Variants in OLFM3 observed in about 807,000 individuals in gnomAD.
OLFM3 encodes the protein noelin-3.
In OLFM3, 20 loss-of-function variants were observed where a neutral mutation model predicts 48.6. The observed-to-expected ratio is 0.41, with a 90% confidence interval of 0.29 to 0.60. The LOEUF (loss-of-function observed/expected upper bound fraction) is 0.60, where lower values mean the gene tolerates loss of function less well. Ranked by LOEUF, OLFM3 falls within the 20% of genes least tolerant of loss-of-function variation. The pLI is 0.28. For missense variants in OLFM3, 437 were observed against 544.3 expected, an observed-to-expected ratio of 0.80 and a Z score of 1.96; for synonymous variants, 222 against 198.1, an observed-to-expected ratio of 1.12 and a Z score of -1.01.
intron 1 of OLFM3, among the ~76,000 whole-genome samples, chr1:101,873,662 G>A (rs1215386050): frequency 6.6e-6 from 1 of 151,458 alleles, no homozygotes; most frequent in Non-Finnish European, 1.5e-5. Context: ...TTCTTCCCTA[G>A]TATAAAAGAA....
At chr1:101,916,127 T>C (rs1260485181) in intron 1 of OLFM3, among the ~76,000 whole-genome samples, 1 of 152,176 alleles carries the variant, frequency 6.6e-6, no homozygotes, top group Non-Finnish European at 1.5e-5. Flanking sequence ...AAACATTTGT[T>C]ATGGGCAGTC....
chr1:101,966,352 C>CGT (rs1322410922), intron 1 of OLFM3, among the ~76,000 whole-genome samples: 4 of 112,210 alleles, frequency 3.6e-5, no homozygotes, highest in Admixed American at 8.7e-5. Context: ...TGTGTGTGTG[C>CGT]GCTACAGATA....
intron 1 of OLFM3, among the ~76,000 whole-genome samples, chr1:101,968,550 A>AG (rs1491466530): frequency 6.8e-6 from 1 of 147,572 alleles, no homozygotes; most frequent in Non-Finnish European, 1.5e-5. Context: ...AAAAAAAAAA[A>AG]AGGCATTAGT....
Position 101,916,239 on chromosome 1 carries a change from T to C in OLFM3, c.70-79214A>G, listed in dbSNP as rs553712652. Among the ~76,000 whole-genome samples the C allele has an allele frequency of 2.2e-4, 34 of 152,290 alleles. No individual in the cohort carries two copies. The East Asian group carries it at 6.0e-3, about 27-fold the overall frequency. ...AAAAGTTCAAACTTTCAAAGACAGATATTATCATTCCCCTCTTTCAGGTGA... is the reference window on the plus strand; with the variant it reads ...AAAAGTTCAAACTTTCAAAGACAGACATTATCATTCCCCTCTTTCAGGTGA... On this transcript the variant is annotated intron_variant, in intron 1 of 5. Coordinates refer to ENST00000370103, the MANE Select transcript of OLFM3 (RefSeq NM_058170.4).
At chr1:101,929,111 C>T (rs560142850) in intron 1 of OLFM3, among the ~76,000 whole-genome samples, 1 of 152,200 alleles carries the variant, frequency 6.6e-6, no homozygotes, top group Admixed American at 6.5e-5. Flanking sequence ...TGGGACTGAA[C>T]TCATTAGTGA....
rs140880876 is a variant in OLFM3 at position 101,829,029 on chromosome 1, T to G, written c.372+1643A>C. ...TCAAAATTAATTTCTCCTCCCTTTG[T>G]GCTCATAAGTAATGTTTATGCCTCT... On this transcript the variant is annotated intron_variant, in intron 3 of 5. Coordinates refer to ENST00000370103, the MANE Select transcript of OLFM3 (RefSeq NM_058170.4). Among the ~76,000 whole-genome samples, 119 of 152,314 alleles carry G rather than the reference T, an allele frequency of 7.8e-4. No individual in the cohort carries two copies. The East Asian group carries it at 0.016, about 20-fold the overall frequency.
At chr1:101,830,648 C>G in intron 3 of OLFM3, 24 bp downstream of exon 3, 2 of 1,613,758 alleles carry the variant, frequency 1.2e-6, no homozygotes, top group East Asian at 4.5e-5. Context: ...TTTGGATTGA[C>G]AAGATTGCAG....
chr1:101,942,268 A>G (rs1659818506), intron 1 of OLFM3, among the ~76,000 whole-genome samples: 3 of 152,224 alleles, frequency 2.0e-5, no homozygotes, highest in Admixed American at 2.0e-4. Context: ...GGGATATGCT[A>G]CATGTCTAAA....
intron 1 of OLFM3, among the ~76,000 whole-genome samples, chr1:101,902,164 G>A (rs1318345050): frequency 5.9e-5 from 9 of 151,964 alleles, no homozygotes; most frequent in Non-Finnish European, 1.3e-4. Context: ...ACTGTATGAC[G>A]TGGAAGCCAA....
intron 1 of OLFM3, among the ~76,000 whole-genome samples, chr1:101,886,560 G>A (rs1657770040): frequency 6.6e-6 from 1 of 152,038 alleles, no homozygotes; most frequent in African/African-American, 2.4e-5. Context: ...GTTAGCTTGG[G>A]GGAACCAGCC....
intron 1 of OLFM3, among the ~76,000 whole-genome samples, chr1:101,994,573 T>TG (rs896361465): frequency 1.1e-4 from 17 of 148,730 alleles, no homozygotes; most frequent in African/African-American, 3.4e-4. Context: ...TGTAATTTTT[T>TG]GGGGGGGAGC....
chr1:101,875,630 T>C (rs1308900814), intron 1 of OLFM3, among the ~76,000 whole-genome samples: 1 of 150,538 alleles, frequency 6.6e-6, no homozygotes, highest in Non-Finnish European at 1.5e-5. Flanking sequence ...ATACAAGAAG[T>C]GGTTATCTAC....
At chr1:101,941,209 C>G (rs1008601588) in intron 1 of OLFM3, among the ~76,000 whole-genome samples, 1 of 152,166 alleles carries the variant, frequency 6.6e-6, no homozygotes, top group Non-Finnish European at 1.5e-5. Flanking sequence ...TCAACCACGG[C>G]AGTGGCAGAG....
intron 1 of OLFM3, chr1:101,847,095 C>T: frequency 1.4e-6 from 2 of 1,382,138 alleles, no homozygotes; most frequent in Non-Finnish European, 1.9e-6. Flanking sequence ...TTCCCCAGCT[C>T]TAATCACCCA....
At chr1:101,994,848 C>T (rs1318903636) in intron 1 of OLFM3, among the ~76,000 whole-genome samples, 1 of 151,852 alleles carries the variant, frequency 6.6e-6, no homozygotes, top group Non-Finnish European at 1.5e-5. Flanking sequence ...TAATGTATGC[C>T]TTCCCTGGAT....
chr1:101,913,451 G>A lies in OLFM3; in HGVS notation c.70-76426C>T, dbSNP rs1031931066. On this transcript the variant is annotated intron_variant, in intron 1 of 5. Coordinates refer to ENST00000370103, the MANE Select transcript of OLFM3 (RefSeq NM_058170.4). ...AAGCTTGGACTGAAATAAAAGACATGAACTTCAAATAACCTTAGCTTATGA... is the reference window on the plus strand; with the variant it reads ...AAGCTTGGACTGAAATAAAAGACATAAACTTCAAATAACCTTAGCTTATGA... Among the ~76,000 whole-genome samples, 3 of 152,120 alleles carry A rather than the reference G, an allele frequency of 2.0e-5. No individual in the cohort carries two copies. The East Asian group carries it at 5.8e-4, about 29-fold the overall frequency.
chr1:101,846,536 A>C (rs1656000516), intron 1 of OLFM3, among the ~76,000 whole-genome samples: 1 of 152,044 alleles, frequency 6.6e-6, no homozygotes, highest in Admixed American at 6.5e-5. Flanking sequence ...AATAAGAAAC[A>C]AAACATATAT....
In OLFM3 at chr1:101,940,444, A is replaced by G. The variant is rs138381611; in HGVS notation, c.69+56304T>C. Among the ~76,000 whole-genome samples, 35 of 146,702 alleles carry G rather than the reference A, an allele frequency of 2.4e-4. 1 individual carries two copies. In the East Asian group the frequency reaches 7.0e-3, roughly 29 times the overall value. The stretch of plus-strand genomic sequence containing the variant: ...CCTTGATTTTTTAAAATTTTTATCT[A>G]TCTATCTTTCTAATCTATTATCTAT... On this transcript the variant is annotated intron_variant, in intron 1 of 5. Transcript: ENST00000370103.
intron 1 of OLFM3, among the ~76,000 whole-genome samples, chr1:101,875,655 A>T (rs1657269832): frequency 9.0e-6 from 1 of 110,790 alleles, no homozygotes; most frequent in African/African-American, 3.2e-5. Context: ...CCTATGCTGA[A>T]CTTTATAAAA....
Sources: allele counts gnomAD v4.1 joint callset (sites outside exome capture counted in the v4.1 genomes callset), GRCh38; gene constraint gnomAD v4.1.1; transcripts MANE v1.5; gene names NCBI Gene and HGNC (gene_info 2026-07-23, HGNC 2026-07-21).